The following GNAQ variants were observed in gnomAD, a reference collection of about 807,000 sequenced individuals.
The protein encoded by GNAQ is G protein subunit alpha q, also known as guanine nucleotide-binding protein G(q) subunit alpha.
A neutral mutation model predicts 43.9 loss-of-function variants in GNAQ; 8 were observed. The observed-to-expected ratio is 0.18, with a 90% CI of 0.11 to 0.33. The LOEUF (loss-of-function observed/expected upper bound fraction) is 0.33. GNAQ is among the 10% of genes least tolerant of loss of function. GNAQ has a pLI of 1.00. For missense variants in GNAQ, 158 were observed against 450.8 expected (o/e 0.35, Z 5.88); for synonymous variants, 155 against 170.7 (o/e 0.91, Z 0.71).
At chr9:77,766,543 T>C (rs1390507032) in intron 5 of GNAQ, among the ~76,000 whole-genome samples, 1 of 152,204 alleles carries the variant, frequency 6.6e-6, no homozygotes, top group Non-Finnish European at 1.5e-5. Context: ...CTGATTTTCT[T>C]TGAGTTTGAT....
At chr9:78,013,312 C>CT (rs202142347) in intron 1 of GNAQ, among the ~76,000 whole-genome samples, 189 of 146,714 alleles carry the variant, frequency 1.3e-3, no homozygotes, top group East Asian at 2.8e-3. Flanking sequence ...TCTTACAAGA[C>CT]TTTTTTTTTT....
At chr9:77,879,151 A>G (rs1247326273) in intron 2 of GNAQ, among the ~76,000 whole-genome samples, 1 of 152,206 alleles carries the variant, frequency 6.6e-6, no homozygotes, top group African/African-American at 2.4e-5. Context: ...AAAAATAGAA[A>G]AAAATACAGG....
chr9:77,961,607 C>T (rs1823108235), intron 1 of GNAQ, among the ~76,000 whole-genome samples: 1 of 152,134 alleles, frequency 6.6e-6, no homozygotes, highest in Non-Finnish European at 1.5e-5. Flanking sequence ...ATAAGGGTAT[C>T]AACGTAATAG....
rs1231871281 is a variant in GNAQ at position 78,031,581 on chromosome 9, C to G, written c.-346G>C. 2.0e-5 allele frequency: 3 copies of G among 152,124 alleles called. No homozygotes were observed. The East Asian group carries it at 5.7e-4, about 29-fold the overall frequency. 9.4% of individuals were successfully genotyped at this position (152,124 alleles called of 1,614,324 possible). A position where few individuals can be genotyped will look rare whatever the true frequency, so the allele number is the denominator to read the frequency against. On this transcript the variant is annotated 5_prime_UTR_variant, in exon 1 of 7. Transcript: ENST00000286548. ...CCCCGGGAACAGGCGGCCCGCCTCG[C>G]CCCCCGAGCCGCCGCCGCCGCCGCC...
chr9:77,761,120 G>T (rs1454305574), intron 5 of GNAQ, among the ~76,000 whole-genome samples: 7 of 151,558 alleles, frequency 4.6e-5, no homozygotes, highest in Admixed American at 4.6e-4. Flanking sequence ...GGAGGTGGGG[G>T]GTCAGCCCCC....
intron 2 of GNAQ, among the ~76,000 whole-genome samples, chr9:77,877,100 T>A (rs1828137982): frequency 6.6e-6 from 1 of 152,204 alleles, no homozygotes; most frequent in East Asian, 1.9e-4. Context: ...ATAGGGATGT[T>A]CCCAAGAATG....
chr9:77,939,810 T>C (rs1451648327), intron 1 of GNAQ, among the ~76,000 whole-genome samples: 1 of 152,204 alleles, frequency 6.6e-6, no homozygotes, highest in East Asian at 1.9e-4. Flanking sequence ...TTTTGAAACA[T>C]GGCCATTGAA....
At chr9:77,985,038 C>T (rs990037039) in intron 1 of GNAQ, among the ~76,000 whole-genome samples, 6 of 152,120 alleles carry the variant, frequency 3.9e-5, no homozygotes, top group Non-Finnish European at 8.8e-5. Context: ...GGGCCAGGCG[C>T]GGTGACTCAC....
intron 5 of GNAQ, among the ~76,000 whole-genome samples, chr9:77,768,762 T>C (rs1826173286): frequency 6.6e-6 from 1 of 152,198 alleles, no homozygotes; most frequent in Non-Finnish European, 1.5e-5. Flanking sequence ...TTTTGAAGCT[T>C]GGAGAGACCT....
intron 1 of GNAQ, among the ~76,000 whole-genome samples, chr9:78,025,931 C>T (rs1272269191): frequency 6.6e-6 from 1 of 152,160 alleles, no homozygotes; most frequent in Non-Finnish European, 1.5e-5. Flanking sequence ...TTTAGCATAG[C>T]ACGCAGCCTC....
chr9:78,021,553 A>C (rs1003899040), intron 1 of GNAQ, among the ~76,000 whole-genome samples: 1 of 152,190 alleles, frequency 6.6e-6, no homozygotes, highest in Admixed American at 6.5e-5. Flanking sequence ...AATCCATCCA[A>C]TGTTTAATTC....
chr9:77,821,724 G>GGTGTGTGTGTGT (rs1554718670), intron 2 of GNAQ, among the ~76,000 whole-genome samples: 64 of 142,402 alleles, frequency 4.5e-4, no homozygotes, highest in Middle Eastern at 3.5e-3. Context: ...TCCTAGTATG[G>GGTGTGTGTGTGT]GTGTGTGTGT....
At chr9:78,019,923 C>A (rs919971859) in intron 1 of GNAQ, among the ~76,000 whole-genome samples, 1,209 of 93,492 alleles carry the variant, frequency 0.013, no homozygotes, top group Middle Eastern at 0.017. Flanking sequence ...GACTCCATCT[C>A]AAAAAAAAAA....
At position 78,031,088 on chromosome 9, in the gene GNAQ, G is replaced by A. The variant is rs1824052720; in HGVS notation, c.136+12C>T. On this transcript the variant is annotated intron_variant, in intron 1 of 6. Transcript: ENST00000286548. ...GGCGCAGAGGCCCGGCGGGGCCCCG[G>A]ACGGTACTCACCGAGCAGCAGCAGC... 1.3e-6 allele frequency: 2 copies of A among 1,497,148 alleles called. No homozygotes were observed. Among genetic ancestry groups the A allele is most frequent in the Non-Finnish European group, 1.8e-6 (2 of 1,120,342 alleles). The allele number at this position is 1,497,148 out of a possible 1,614,324, so 92.7% of individuals were successfully genotyped here.
At chr9:77,877,238 CAT>C (rs1828139631) in intron 2 of GNAQ, among the ~76,000 whole-genome samples, 1 of 152,192 alleles carries the variant, frequency 6.6e-6, no homozygotes, top group African/African-American at 2.4e-5. Context: ...ATTCTGTACT[CAT>C]ATAATTTGTT....
At chr9:77,991,445 AACCCAC>A (rs780410958) in intron 1 of GNAQ, among the ~76,000 whole-genome samples, 2 of 152,216 alleles carry the variant, frequency 1.3e-5, no homozygotes, top group Non-Finnish European at 2.9e-5. Flanking sequence ...CCAGTATGCT[AACCCAC>A]ACCAGGAAAC....
At chr9:77,734,800 T>C (rs1272811466) in intron 5 of GNAQ, among the ~76,000 whole-genome samples, 1 of 152,190 alleles carries the variant, frequency 6.6e-6, no homozygotes, top group Non-Finnish European at 1.5e-5. Flanking sequence ...TCATGCCCTT[T>C]ACTTAAATGA....
At chr9:77,809,657 T>C (rs1054843085) in intron 3 of GNAQ, among the ~76,000 whole-genome samples, 1 of 152,232 alleles carries the variant, frequency 6.6e-6, no homozygotes, top group Non-Finnish European at 1.5e-5. Context: ...TTAAGGCCAA[T>C]TGCAAATGTA....
chr9:77,898,979 G>T (rs1222581102), intron 2 of GNAQ, among the ~76,000 whole-genome samples: 1 of 152,114 alleles, frequency 6.6e-6, no homozygotes, highest in African/African-American at 2.4e-5. Flanking sequence ...CAGCTGAAAA[G>T]AATTCCAAAG....
Sources: allele counts gnomAD v4.1 joint callset (sites outside exome capture counted in the v4.1 genomes callset), GRCh38; gene constraint gnomAD v4.1.1; transcripts MANE v1.5; gene names NCBI Gene and HGNC (gene_info 2026-07-23, HGNC 2026-07-21).